Variants in CACNA1C observed in about 807,000 individuals in gnomAD.
The protein encoded by CACNA1C is calcium voltage-gated channel subunit alpha1 C.
Under a neutral mutation model 229.0 loss-of-function variants are expected in CACNA1C, and 30 were observed. That is an observed-to-expected ratio of 0.13 (90% CI 0.10 to 0.18). The LOEUF (loss-of-function observed/expected upper bound fraction) is 0.18. Among genes scored for constraint, CACNA1C ranks in the 10% least tolerant of loss-of-function variants. The pLI is 1.00. For synonymous variants in CACNA1C, 1,114 were observed against 1,132.5 expected, an observed-to-expected ratio of 0.98 and a Z score of 0.33; for missense variants, 1,658 against 2,845.0, an observed-to-expected ratio of 0.58 and a Z score of 9.49.
In CACNA1C at chr12:2,664,197, C is replaced by G. The variant is rs535476207; in HGVS notation, c.4233-628C>G. On this transcript the variant is annotated intron_variant, in intron 34 of 46. Coordinates refer to ENST00000399655, the MANE Select transcript of CACNA1C (RefSeq NM_000719.7). Reference sequence around the variant, plus strand: ...AATTAAAACAGCAGTGACATATTATCTCACACAAATTATATGAGCAACATT... The same window carrying G: ...AATTAAAACAGCAGTGACATATTATGTCACACAAATTATATGAGCAACATT... Among the ~76,000 whole-genome samples the G allele has an allele frequency of 2.0e-5, 3 of 152,330 alleles. No homozygotes were observed. The East Asian group carries it at 5.8e-4, about 29-fold the overall frequency.
chr12:2,504,480 C>G lies in CACNA1C; in HGVS notation c.1114-362C>G, dbSNP rs1382413748. On this transcript the variant is annotated intron_variant, in intron 7 of 46. Coordinates refer to ENST00000399655, the MANE Select transcript of CACNA1C (RefSeq NM_000719.7). This position sits in a 1 kb window ranked among gnomAD's most constrained non-coding sequence, Gnocchi z 6.8. ...ATGAGTTACCCTGGGTGTATTTTGT[C>G]AGTCTGGTCATCTTTGGATCCTTTT... The G allele has an allele frequency of 6.2e-7, 1 of 1,611,946 alleles. No individual in the cohort carries two copies. Among genetic ancestry groups the G allele is most frequent in the Non-Finnish European group, 8.5e-7 (1 of 1,178,228 alleles).
chr12:2,326,242 A>G (rs893921562), intron 3 of CACNA1C, among the ~76,000 whole-genome samples: 4 of 152,224 alleles, frequency 2.6e-5, no homozygotes, highest in Non-Finnish European at 5.9e-5. Context: ...GGTGGACGGT[A>G]TAAGCTGCCC....
intron 1 of CACNA1C, among the ~76,000 whole-genome samples, chr12:2,073,060 C>T (rs1042265202): frequency 6.6e-5 from 10 of 152,094 alleles, no homozygotes; most frequent in South Asian, 2.1e-4. Flanking sequence ...TTCTCAGTGG[C>T]GGCAACACGG....
intron 3 of CACNA1C, among the ~76,000 whole-genome samples, chr12:2,211,967 C>T (rs912000828): frequency 4.0e-5 from 6 of 151,882 alleles, no homozygotes; most frequent in South Asian, 2.1e-4. Context: ...GTGATCCACC[C>T]GCCTCAGCCT....
intron 13 of CACNA1C, among the ~76,000 whole-genome samples, chr12:2,572,525 T>C (rs1214042500): frequency 4.7e-4 from 16 of 33,920 alleles, no homozygotes; most frequent in South Asian, 1.4e-3. Flanking sequence ...TCTTCCTCCT[T>C]CTTCTTCTCT....
rs118072869 is a variant in CACNA1C, at chr12:2,364,012, C to A, written c.478-84964C>A. On this transcript the variant is annotated intron_variant, in intron 3 of 46. Coordinates refer to ENST00000399655, the MANE Select transcript of CACNA1C (RefSeq NM_000719.7). ...GATCAGCCCTTAGAGCTTTGAGTGC[C>A]AGTTTAGCAGAGAGGGTGGACTGAT... Among the ~76,000 whole-genome samples, 434 of 152,264 alleles carry A rather than the reference C, an allele frequency of 2.9e-3. 2 individuals carry two copies. Among genetic ancestry groups the A allele is most frequent in the Non-Finnish European group, 5.0e-3 (337 of 68,020 alleles).
At chr12:2,363,993 C>T (rs1334202181) in intron 3 of CACNA1C, among the ~76,000 whole-genome samples, 2 of 152,190 alleles carry the variant, frequency 1.3e-5, no homozygotes, top group African/African-American at 4.8e-5. Flanking sequence ...TGACGATCAG[C>T]CCTTAGAGCT....
At chr12:2,599,628 T>G (rs2070818523) in intron 21 of CACNA1C, among the ~76,000 whole-genome samples, 1 of 152,108 alleles carries the variant, frequency 6.6e-6, no homozygotes, top group Admixed American at 6.5e-5. Flanking sequence ...TCCCATTCCT[T>G]TCCTTCCTCA....
chr12:2,385,273 T>G (rs2098355317), intron 3 of CACNA1C, among the ~76,000 whole-genome samples: 1 of 151,750 alleles, frequency 6.6e-6, no homozygotes, highest in African/African-American at 2.4e-5. Flanking sequence ...ACCGGCCCCC[T>G]CAGATGCACA....
chr12:2,374,057 G>T (rs558469928), intron 3 of CACNA1C, among the ~76,000 whole-genome samples: 3 of 152,304 alleles, frequency 2.0e-5, no homozygotes, highest in Admixed American at 6.5e-5. Flanking sequence ...TCACAACTCC[G>T]CTAGCCAGGG....
intron 5 of CACNA1C, among the ~76,000 whole-genome samples, chr12:2,462,722 T>C (rs906040384): frequency 2.0e-5 from 3 of 152,222 alleles, no homozygotes; most frequent in Non-Finnish European, 4.4e-5. Flanking sequence ...CATGTGCCTT[T>C]GCTGGCTTTT....
At chr12:2,520,965 G>C (rs748473546) in intron 9 of CACNA1C, among the ~76,000 whole-genome samples, 1 of 152,342 alleles carries the variant, frequency 6.6e-6, no homozygotes, top group East Asian at 1.9e-4. Flanking sequence ...CAGCATAAAG[G>C]TGCCTGGCAG....
At chr12:2,359,239 G>C (rs556984197) in intron 3 of CACNA1C, among the ~76,000 whole-genome samples, 1 of 152,114 alleles carries the variant, frequency 6.6e-6, no homozygotes, top group African/African-American at 2.4e-5. Context: ...TCGGTCCTTC[G>C]GGTAGTCTCA....
intron 1 of CACNA1C, among the ~76,000 whole-genome samples, chr12:1,994,648 C>T (rs564226725): frequency 1.3e-5 from 2 of 152,284 alleles, no homozygotes; most frequent in Non-Finnish European, 2.9e-5. Context: ...TATGAACTCT[C>T]TATTACAGAA....
chr12:2,048,926 T>C (rs78248901), upstream of CACNA1C, among the ~76,000 whole-genome samples: 991 of 152,320 alleles, frequency 6.5e-3, 11 homozygotes, highest in African/African-American at 0.022. Context: ...ACACTTTTTT[T>C]CCCCACCTGC....
intron 18 of CACNA1C, among the ~76,000 whole-genome samples, chr12:2,587,872 C>T (rs1017591747): frequency 3.3e-5 from 5 of 152,170 alleles, no homozygotes; most frequent in African/African-American, 7.2e-5. Flanking sequence ...TGCCCCACCA[C>T]GTACACCAGC....
At chr12:2,681,579 C>T (rs1156265012) in intron 42 of CACNA1C, among the ~76,000 whole-genome samples, 1 of 152,226 alleles carries the variant, frequency 6.6e-6, no homozygotes, top group Non-Finnish European at 1.5e-5. Context: ...TGCTCTGCGT[C>T]TCCAGCTCCT....
chr12:2,517,792 T>A (rs991951006), intron 9 of CACNA1C, among the ~76,000 whole-genome samples: 2 of 152,188 alleles, frequency 1.3e-5, no homozygotes, highest in African/African-American at 4.8e-5. Flanking sequence ...ACGTTAAATC[T>A]AATAGAAGGT....
chr12:2,604,111 C>G (rs1339232190), intron 22 of CACNA1C, among the ~76,000 whole-genome samples: 1 of 152,108 alleles, frequency 6.6e-6, no homozygotes, highest in African/African-American at 2.4e-5. Flanking sequence ...TTTTTTATGG[C>G]CAGTTTTTAT....
Sources: gnomAD v4.1 joint callset for allele counts (sites outside exome capture counted in the v4.1 genomes callset) on GRCh38, gnomAD v4.1.1 for gene constraint, Gnocchi (gnomAD v3.1) non-coding constraint, MANE v1.5 for transcripts, NCBI Gene and HGNC (gene_info 2026-07-23, HGNC 2026-07-21) for gene names.